The following GOLGB1 variants were observed in gnomAD, a reference collection of about 807,000 sequenced individuals.
GOLGB1 encodes the protein golgin subfamily B member 1.
GOLGB1 carries 174 observed loss-of-function variants against 336.9 expected under a neutral mutation model. That is an observed-to-expected ratio of 0.52 (90% CI 0.46 to 0.59). GOLGB1 has a LOEUF of 0.59. GOLGB1 is among the 20% of genes least tolerant of loss of function. The pLI is 0.00. For synonymous variants in GOLGB1, 1,208 were observed against 1,289.2 expected, an observed-to-expected ratio of 0.94 and a Z score of 1.35; for missense variants, 3,331 against 3,645.3, an observed-to-expected ratio of 0.91 and a Z score of 2.22.
chr3:121,727,183 C>A, intron 4 of GOLGB1, 142 bp from the exon 5 acceptor site: 1 of 409,536 alleles, frequency 2.4e-6, no homozygotes, highest in Non-Finnish European at 4.1e-6. Context: ...GCTGATCTAA[C>A]AAATAAGAAA....
chr3:121,737,480 G>A (rs528521177), intron 1 of GOLGB1, among the ~76,000 whole-genome samples: 79 of 151,664 alleles, frequency 5.2e-4, no homozygotes, highest in African/African-American at 1.9e-3. Context: ...GTGAAATCCC[G>A]TCTCTACTAA....
At chr3:121,673,023 C>T (rs1939769230) in intron 17 of GOLGB1, among the ~76,000 whole-genome samples, 1 of 151,308 alleles carries the variant, frequency 6.6e-6, no homozygotes, top group Non-Finnish European at 1.5e-5. Flanking sequence ...GCTCATTAAA[C>T]AGGTAGTGTG....
rs777876183 is a variant in GOLGB1 at position 121,691,834 on chromosome 3, A to G, written c.7530T>C (p.Asn2510=). 6.8e-6 allele frequency: 11 copies of G among 1,613,026 alleles called. No individual in the cohort carries two copies. In the African/African-American group the frequency reaches 1.1e-4, roughly 16 times the overall value. The change falls in exon 14 of 22, where the codon AAT becomes AAC. Residue 2510 remains asparagine (N), a synonymous_variant. Coordinates refer to ENST00000614479, the MANE Select transcript of GOLGB1 (RefSeq NM_001366282.2). Reference sequence around the variant, plus strand: ...CTCGTATTTCTTCTTTAAGCTTATTATTCTCTGCAGCAGCCTCTTGGATGA... The same window carrying G: ...CTCGTATTTCTTCTTTAAGCTTATTGTTCTCTGCAGCAGCCTCTTGGATGA... The part of the protein sequence containing the change: ...DQLIQEAAAE[N]NKLKEEIRGL...
chr3:121,664,981 C>A lies in GOLGB1; in HGVS notation c.9605G>T (p.Cys3202Phe). The A allele has an allele frequency of 6.2e-7, 1 of 1,612,536 alleles. No individual in the cohort carries two copies. Among genetic ancestry groups the A allele is most frequent in the Non-Finnish European group, 8.5e-7 (1 of 1,178,526 alleles). Residue 3202 changes from cysteine (C) to phenylalanine (F), a missense_variant, in exon 21 of 22, where the codon TGT (cysteine) becomes TTT (phenylalanine). By Grantham distance (205) the Cys-to-Phe change is radical (BLOSUM62 -2). Transcript: ENST00000614479. ...DSSRTPIIGS[C>F]GTQEQALLID... ...TAACAGTGCCTGCTCCTGAGTGCCA[C>A]AGGAGCCAATGATAGGAGTCCGGGA...
chr3:121,721,755 A>G (rs1363087409), intron 6 of GOLGB1, among the ~76,000 whole-genome samples: 1 of 152,128 alleles, frequency 6.6e-6, no homozygotes, highest in Non-Finnish European at 1.5e-5. Context: ...AGAATGTCAC[A>G]TACTGGTGCC....
chr3:121,694,414 G>C lies in GOLGB1; in HGVS notation c.6109C>G (p.Gln2037Glu). Residue 2037 changes from glutamine (Q) to glutamate (E), a missense_variant, in exon 13 of 22, where the codon CAA becomes GAA. Coordinates refer to ENST00000614479, the MANE Select transcript of GOLGB1 (RefSeq NM_001366282.2). ...KQLQKDCIRY[Q>E]EKISALERTV... ...CTCTCCAGAGCACTAATTTTCTCTTGATACCTGATGCAGTCCTTCTGTAGC... is the reference window on the plus strand; with the variant it reads ...CTCTCCAGAGCACTAATTTTCTCTTCATACCTGATGCAGTCCTTCTGTAGC... 6.2e-7 allele frequency: 1 copy of C among 1,612,804 alleles called. No homozygotes were observed. The highest frequency in any genetic ancestry group is 8.5e-7 in the Non-Finnish European group (1 of 1,179,120).
At chr3:121,681,371 G>A (rs1043639677) in intron 15 of GOLGB1, among the ~76,000 whole-genome samples, 7 of 152,234 alleles carry the variant, frequency 4.6e-5, no homozygotes, top group Non-Finnish European at 1.0e-4. Flanking sequence ...GGACGTATTT[G>A]TGGTGATGGA....
intron 1 of GOLGB1, among the ~76,000 whole-genome samples, chr3:121,745,321 C>T (rs549805283): frequency 2.0e-5 from 3 of 146,486 alleles, no homozygotes; most frequent in South Asian, 2.2e-4. Flanking sequence ...CATATGTACA[C>T]GTGTATGTAT....
chr3:121,746,054 T>C (rs1209245995), intron 1 of GOLGB1, among the ~76,000 whole-genome samples: 6 of 152,320 alleles, frequency 3.9e-5, no homozygotes, highest in South Asian at 2.1e-4. Flanking sequence ...TGCATGCCTG[T>C]GTATATATGC....
chr3:121,688,380 G>T (rs1179073849), intron 14 of GOLGB1, among the ~76,000 whole-genome samples: 1 of 152,266 alleles, frequency 6.6e-6, no homozygotes, highest in Non-Finnish European at 1.5e-5. Flanking sequence ...TGGAGACGGG[G>T]TTTCGCTGTG....
At chr3:121,676,332 C>T (rs1940370638) in intron 17 of GOLGB1, among the ~76,000 whole-genome samples, 2 of 152,216 alleles carry the variant, frequency 1.3e-5, no homozygotes, top group African/African-American at 4.8e-5. Flanking sequence ...ACCCCTTGGT[C>T]AACTGATGAG....
At chr3:121,747,048 G>A (rs769464880) in intron 1 of GOLGB1, among the ~76,000 whole-genome samples, 14 of 148,748 alleles carry the variant, frequency 9.4e-5, no homozygotes, top group Non-Finnish European at 1.5e-4. Flanking sequence ...AAAGCAGTAA[G>A]TAAACTAAAA....
rs1944656372 is a variant in GOLGB1 at position 121,715,123 on chromosome 3, T to C, written c.1289-147A>G. 3 of 558,496 alleles carry C rather than the reference T, an allele frequency of 5.4e-6. No homozygotes were observed. The South Asian group carries it at 6.7e-5, about 13-fold the overall frequency. 34.6% of individuals were successfully genotyped at this position (558,496 alleles called of 1,614,324 possible). A position where few individuals can be genotyped will look rare whatever the true frequency, so the allele number is the denominator to read the frequency against. ...TGCCAATGACAACATTATTATTAGC[T>C]AAATGTTAAATGTTCTCAAGAACCA... On this transcript the variant is annotated intron_variant, in intron 9 of 21. Coordinates refer to ENST00000614479, the MANE Select transcript of GOLGB1 (RefSeq NM_001366282.2).
intron 1 of GOLGB1, among the ~76,000 whole-genome samples, chr3:121,748,497 A>G (rs1488439729): frequency 6.6e-6 from 1 of 152,236 alleles, no homozygotes; most frequent in African/African-American, 2.4e-5. Flanking sequence ...GAGAAGTAAA[A>G]GCTATGAAGC....
Position 121,716,953 on chromosome 3 carries a change from C to T in GOLGB1, c.1072G>A (p.Gly358Ser). The change falls in exon 9 of 22, where the codon GGC becomes AGC. Residue 358 changes from glycine to serine, a missense_variant. Coordinates refer to ENST00000614479, the MANE Select transcript of GOLGB1 (RefSeq NM_001366282.2). ...HHLLEQFEQA[G>S]QAQAELESRY... Reference sequence around the variant, plus strand: ...GACTCTAGTTCAGCCTGGGCTTGGCCTGCTTGCTCAAACTGTTCTAAAAGA... The same window carrying T: ...GACTCTAGTTCAGCCTGGGCTTGGCTTGCTTGCTCAAACTGTTCTAAAAGA... 1 of 1,614,008 alleles carries T rather than the reference C, an allele frequency of 6.2e-7. No individual in the cohort carries two copies. The highest frequency in any genetic ancestry group is 8.5e-7 in the Non-Finnish European group (1 of 1,179,940).
Position 121,692,545 on chromosome 3 carries a change from G to C in GOLGB1, c.6819C>G (p.Ala2273=). ...EHDKQIWESK[A]QTEVQLQQKV... ...TCTGCTGAAGCTGGACCTCTGTCTG[G>C]GCCTTGGACTCCCAAATCTGCTTGT... The change falls in exon 14 of 22, where the codon GCC becomes GCG. Residue 2273 remains alanine, a synonymous_variant. Coordinates refer to ENST00000614479, the MANE Select transcript of GOLGB1 (RefSeq NM_001366282.2). 1.3e-6 allele frequency: 2 copies of C among 1,597,880 alleles called. No homozygotes were observed. Among genetic ancestry groups the C allele is most frequent in the Non-Finnish European group, 1.7e-6 (2 of 1,174,978 alleles).
At chr3:121,724,264 G>A (rs567492280) in intron 5 of GOLGB1, among the ~76,000 whole-genome samples, 6 of 152,276 alleles carry the variant, frequency 3.9e-5, no homozygotes, top group East Asian at 1.9e-4. Context: ...TTGGTTAAGC[G>A]GTTGTGACCA....
intron 11 of GOLGB1, among the ~76,000 whole-genome samples, chr3:121,700,984 A>T (rs754168912): frequency 1.3e-5 from 2 of 152,154 alleles, no homozygotes; most frequent in African/African-American, 2.4e-5. Context: ...ATACCCAGCA[A>T]CTGGAATAGT....
At chr3:121,744,209 A>G (rs1375533528) in intron 1 of GOLGB1, among the ~76,000 whole-genome samples, 1 of 152,140 alleles carries the variant, frequency 6.6e-6, no homozygotes, top group Non-Finnish European at 1.5e-5. Flanking sequence ...ATACTCTTTA[A>G]TCTTAACAAA....
Sources: gnomAD v4.1 joint callset for allele counts (sites outside exome capture counted in the v4.1 genomes callset) on GRCh38, gnomAD v4.1.1 for gene constraint, MANE v1.5 for transcripts, NCBI Gene and HGNC (gene_info 2026-07-23, HGNC 2026-07-21) for gene names.